RNF213: variants seen among roughly 807,000 people sequenced by gnomAD.
RNF213 encodes the protein ring finger protein 213, also known as E3 ubiquitin-protein ligase RNF213.
In RNF213, 341 loss-of-function variants were observed where a neutral mutation model predicts 514.4. The observed-to-expected ratio is 0.66, with a 90% CI of 0.61 to 0.73. The LOEUF (loss-of-function observed/expected upper bound fraction) is 0.73, where lower values mean the gene tolerates loss of function less well. RNF213 is among the 30% of genes least tolerant of loss of function. The pLI is 0.00. For missense variants in RNF213, 5,767 were observed against 6,615.6 expected, an observed-to-expected ratio of 0.87 and a Z score of 4.45; for synonymous variants, 2,655 against 2,658.2, an observed-to-expected ratio of 1.00 and a Z score of 0.04.
intron 3 of RNF213, among the ~76,000 whole-genome samples, chr17:80,284,468 C>T (rs1598917324): frequency 6.6e-6 from 1 of 151,520 alleles, no homozygotes; most frequent in Admixed American, 6.6e-5. Context: ...GGCATGAACC[C>T]GGGAAACAGA....
At chr17:80,311,944 T>C (rs960663051) in intron 14 of RNF213, among the ~76,000 whole-genome samples, 1 of 152,048 alleles carries the variant, frequency 6.6e-6, no homozygotes, top group Non-Finnish European at 1.5e-5. Context: ...CTGGCCAACA[T>C]GGTGAAACCC....
intron 12 of RNF213, 94 bp downstream of exon 12, chr17:80,306,562 C>A: frequency 7.6e-7 from 1 of 1,310,886 alleles, no homozygotes; most frequent in Non-Finnish European, 1.1e-6. Flanking sequence ...TCCTAAAAAA[C>A]AGACAGTGGG....
chr17:80,336,621 G>C (rs1599049446), intron 23 of RNF213: 2 of 541,748 alleles, frequency 3.7e-6, no homozygotes, highest in African/African-American at 3.8e-5. Context: ...GTGGAAAAAA[G>C]ACAGAAGGGA....
intron 14 of RNF213, among the ~76,000 whole-genome samples, chr17:80,310,441 C>T (rs894249040): frequency 1.3e-5 from 2 of 151,498 alleles, no homozygotes; most frequent in Non-Finnish European, 2.9e-5. Flanking sequence ...TTAGTAGAGA[C>T]AGGGTTTCAC....
rs956061842 is a variant in RNF213 at position 80,313,283 on chromosome 17, C to T, written c.2811+116C>T. The T allele has an allele frequency of 3.8e-6, 5 of 1,327,906 alleles. No homozygotes were observed. The African/African-American group carries it at 5.8e-5, about 15-fold the overall frequency. 82.3% of individuals were successfully genotyped at this position (1,327,906 alleles called of 1,614,324 possible). ...GGGCAGTTGTTGGCCTTCACCTGAG[C>T]CTCAGTTCTTCATCTACAAAATGGA... On this transcript the variant is annotated intron_variant, in intron 15 of 67. Coordinates refer to ENST00000582970, the MANE Select transcript of RNF213 (RefSeq NM_001256071.3).
intron 38 of RNF213, 75 bp downstream of exon 38, chr17:80,360,281 T>C (rs895895532): frequency 4.0e-6 from 6 of 1,509,932 alleles, no homozygotes; most frequent in Non-Finnish European, 3.6e-6. Context: ...GAAAAGCAGA[T>C]GGGTGGCTAG....
chr17:80,364,768 T>A, intron 42 of RNF213: 1 of 572,114 alleles, frequency 1.7e-6, no homozygotes, highest in Non-Finnish European at 3.1e-6. Flanking sequence ...AGTCAGAGCA[T>A]ATCATTTAGA....
intron 21 of RNF213, among the ~76,000 whole-genome samples, chr17:80,333,054 CT>C (rs112975996): frequency 1.1e-3 from 157 of 143,218 alleles, no homozygotes; most frequent in Middle Eastern, 3.6e-3. Context: ...GACTCTTTTG[CT>C]TTTTTTTTTT....
At chr17:80,335,921 G>A (rs999930640) in intron 22 of RNF213, among the ~76,000 whole-genome samples, 1 of 150,166 alleles carries the variant, frequency 6.7e-6, no homozygotes, top group African/African-American at 2.5e-5. Flanking sequence ...AGGTTGCAGT[G>A]AGCCGAGATC....
rs2044559466 is a variant in RNF213, at chr17:80,288,511, C to T, written c.811-122C>T. ...GGGTGGGAGTCGGAGGGCTGCCCCTCCACTGGGGATGCCAGCCCACCCTGT... is the reference window on the plus strand; with the variant it reads ...GGGTGGGAGTCGGAGGGCTGCCCCTTCACTGGGGATGCCAGCCCACCCTGT... On this transcript the variant is annotated intron_variant, in intron 4 of 67. Coordinates refer to ENST00000582970, the MANE Select transcript of RNF213 (RefSeq NM_001256071.3). The surrounding 1 kb of genome is among the most constrained non-coding windows in gnomAD (Gnocchi z 4.9). The T allele has an allele frequency of 1.2e-6, 2 of 1,602,552 alleles. No homozygotes were observed. The highest frequency in any genetic ancestry group is 1.1e-5 in the South Asian group (1 of 90,638).
At chr17:80,384,925 ACT>A in intron 59 of RNF213, 112 bp from the exon 60 acceptor site, 2 of 1,115,372 alleles carry the variant, frequency 1.8e-6, no homozygotes. Flanking sequence ...AGGAAATGAC[ACT>A]GACCAGATTA....
intron 50 of RNF213, among the ~76,000 whole-genome samples, chr17:80,375,355 A>G (rs1043134145): frequency 1.3e-5 from 2 of 152,186 alleles, no homozygotes; most frequent in African/African-American, 4.8e-5. Flanking sequence ...GGGCTGAGGC[A>G]TGTGAAAAGT....
chr17:80,342,311 C>A (rs926980350), intron 26 of RNF213, among the ~76,000 whole-genome samples: 4 of 152,160 alleles, frequency 2.6e-5, no homozygotes, highest in African/African-American at 9.7e-5. Context: ...AGAACGTGTC[C>A]CTAGTGCTAA....
intron 62 of RNF213, 125 bp downstream of exon 62, chr17:80,386,555 C>T: frequency 7.2e-7 from 1 of 1,393,446 alleles, no homozygotes; most frequent in Non-Finnish European, 1.0e-6. Flanking sequence ...CCGCCCCCAC[C>T]AGTGACCCGC....
At chr17:80,323,983 G>A (rs539148237) in intron 17 of RNF213, among the ~76,000 whole-genome samples, 1 of 152,086 alleles carries the variant, frequency 6.6e-6, no homozygotes, top group Non-Finnish European at 1.5e-5. Context: ...GTGTGCGTGT[G>A]TGTGTGTGTG....
intron 11 of RNF213, among the ~76,000 whole-genome samples, chr17:80,304,506 G>A (rs2045289109): frequency 6.6e-6 from 1 of 152,090 alleles, no homozygotes; most frequent in Admixed American, 6.6e-5. Flanking sequence ...CGGGCGTGGT[G>A]GCAGGCGCCT....
intron 25 of RNF213, among the ~76,000 whole-genome samples, chr17:80,338,455 C>A (rs897187033): frequency 6.6e-6 from 1 of 152,046 alleles, no homozygotes; most frequent in African/African-American, 2.4e-5. Flanking sequence ...ATTATAGGTT[C>A]TTTCTCTAAA....
intron 32 of RNF213, chr17:80,352,725 T>C (rs1046232431): frequency 8.5e-6 from 6 of 703,296 alleles, no homozygotes; most frequent in South Asian, 1.6e-5. Context: ...TTGCTGCTTA[T>C]GGTGAAGCTG....
rs1332318563 is a variant in RNF213 at position 80,394,621 on chromosome 17, T to C, written c.*1123T>C. 6.6e-6 allele frequency: 1 copy of C among 152,230 alleles called. No individual in the cohort carries two copies. 9.4% of individuals were successfully genotyped at this position (152,230 alleles called of 1,614,324 possible). A position where few individuals can be genotyped will look rare whatever the true frequency, so the allele number is the denominator to read the frequency against. ...TATGTTAGAGGCAGTATCCTTAATA[T>C]TCATTCTAAATGAGTTAACGACTTA... On this transcript the variant is annotated 3_prime_UTR_variant, in exon 68 of 68. Coordinates refer to ENST00000582970, the MANE Select transcript of RNF213 (RefSeq NM_001256071.3).
Sources: allele counts gnomAD v4.1 joint callset (sites outside exome capture counted in the v4.1 genomes callset), GRCh38; gene constraint gnomAD v4.1.1; non-coding constraint Gnocchi (gnomAD v3.1); transcripts MANE v1.5; gene names NCBI Gene and HGNC (gene_info 2026-07-23, HGNC 2026-07-21).